The following SMYD3 variants were observed in gnomAD, a reference collection of about 807,000 sequenced individuals.
SMYD3 encodes the protein SET and MYND domain containing 3.
In SMYD3, 36 loss-of-function variants were observed where a neutral mutation model predicts 57.7. That is an observed-to-expected ratio of 0.62 (90% CI 0.48 to 0.82). SMYD3 has a LOEUF of 0.82. SMYD3 is among the 40% of genes least tolerant of loss of function. SMYD3 has a pLI of 0.00. For synonymous variants in SMYD3, 211 were observed against 195.0 expected (o/e 1.08, Z -0.68); for missense variants, 515 against 538.8 (o/e 0.96, Z 0.44).
At position 246,245,998 on chromosome 1, in the gene SMYD3, T is replaced by C. The variant is rs560567604; in HGVS notation, c.531+81203A>G. On this transcript the variant is annotated intron_variant, in intron 5 of 11. Coordinates refer to ENST00000490107, the MANE Select transcript of SMYD3 (RefSeq NM_001167740.2). ...CATTTGTTTTTGGTGACAGTGGTGA[T>C]GAAATCATTTATTTACTTATTTTTC... Among the ~76,000 whole-genome samples the C allele has an allele frequency of 3.9e-5, 6 of 152,364 alleles. No individual in the cohort carries two copies. In the South Asian group the frequency reaches 8.3e-4, roughly 21 times the overall value.
intron 1 of SMYD3, among the ~76,000 whole-genome samples, chr1:246,498,405 A>G (rs909491484): frequency 3.3e-5 from 5 of 152,220 alleles, no homozygotes; most frequent in Admixed American, 1.3e-4. Flanking sequence ...CACAAAGATA[A>G]TGAAGCAAGT....
chr1:246,269,541 T>TC (rs374492847), intron 5 of SMYD3, among the ~76,000 whole-genome samples: 1 of 77,604 alleles, frequency 1.3e-5, no homozygotes, highest in Non-Finnish European at 3.1e-5. Context: ...TTCTTTTTTT[T>TC]TCTTTTTTTT....
At chr1:245,961,617 T>C (rs774198799) in intron 5 of SMYD3, among the ~76,000 whole-genome samples, 2 of 152,098 alleles carry the variant, frequency 1.3e-5, no homozygotes, top group Non-Finnish European at 2.9e-5. Context: ...GTCATATAAT[T>C]CCATTTTTTT....
intron 7 of SMYD3, among the ~76,000 whole-genome samples, chr1:245,925,246 T>C (rs1169489524): frequency 6.6e-6 from 1 of 152,204 alleles, no homozygotes; most frequent in African/African-American, 2.4e-5. Flanking sequence ...ATTTATGGGG[T>C]CCAGGTACTA....
chr1:246,293,450 G>A (rs1341638494), intron 5 of SMYD3, among the ~76,000 whole-genome samples: 3 of 152,138 alleles, frequency 2.0e-5, no homozygotes, highest in Non-Finnish European at 2.9e-5. Flanking sequence ...CAGAAGGCAA[G>A]TTAAAAAATT....
chr1:246,341,243 T>A (rs2065629892), intron 2 of SMYD3, among the ~76,000 whole-genome samples: 1 of 152,176 alleles, frequency 6.6e-6, no homozygotes, highest in Non-Finnish European at 1.5e-5. Context: ...TAGGCACTGG[T>A]GCTTCTTAAC....
intron 5 of SMYD3, among the ~76,000 whole-genome samples, chr1:246,292,188 C>A (rs879925614): frequency 6.8e-6 from 1 of 147,734 alleles, no homozygotes; most frequent in Non-Finnish European, 1.5e-5. Context: ...TACTATCCAA[C>A]ACACCAGCAT....
chr1:246,321,349 G>A (rs2065244586), intron 5 of SMYD3, among the ~76,000 whole-genome samples: 1 of 152,224 alleles, frequency 6.6e-6, no homozygotes, highest in South Asian at 2.1e-4. Flanking sequence ...ACACTACTAA[G>A]TACGTTATAG....
intron 10 of SMYD3, among the ~76,000 whole-genome samples, chr1:245,825,822 A>G (rs1351195081): frequency 6.6e-6 from 1 of 151,022 alleles, no homozygotes. Flanking sequence ...CATCTACAGA[A>G]ATCTAAAGTT....
At chr1:246,361,760 A>T (rs936298630) in intron 1 of SMYD3, among the ~76,000 whole-genome samples, 14 of 152,212 alleles carry the variant, frequency 9.2e-5, no homozygotes, top group African/African-American at 3.4e-4. Flanking sequence ...ATGCAAAGGC[A>T]TAGGAATGAT....
intron 10 of SMYD3, among the ~76,000 whole-genome samples, chr1:245,848,845 T>C (rs2050803470): frequency 6.6e-6 from 1 of 151,920 alleles, no homozygotes; most frequent in Admixed American, 6.6e-5. Flanking sequence ...TTGCTGCAGG[T>C]AGGGAGGAGC....
At chr1:246,224,987 C>A (rs2063307015) in intron 5 of SMYD3, among the ~76,000 whole-genome samples, 1 of 151,866 alleles carries the variant, frequency 6.6e-6, no homozygotes, top group African/African-American at 2.4e-5. Context: ...GAGGATGAAA[C>A]CAGTAGATGG....
intron 10 of SMYD3, among the ~76,000 whole-genome samples, chr1:245,802,409 C>T (rs1256182708): frequency 6.6e-6 from 1 of 152,208 alleles, no homozygotes; most frequent in Non-Finnish European, 1.5e-5. Flanking sequence ...TTTTCCTTTA[C>T]TACAAATTAT....
chr1:246,267,144 C>A (rs1322656335), intron 5 of SMYD3, among the ~76,000 whole-genome samples: 1 of 151,976 alleles, frequency 6.6e-6, no homozygotes, highest in Non-Finnish European at 1.5e-5. Context: ...TGGAATAGAG[C>A]AATATTATAA....
intron 5 of SMYD3, among the ~76,000 whole-genome samples, chr1:246,095,447 G>C (rs1050724053): frequency 1.3e-5 from 2 of 152,206 alleles, no homozygotes; most frequent in Non-Finnish European, 2.9e-5. Flanking sequence ...AATATGCAAC[G>C]ATAAGGTGCA....
intron 2 of SMYD3, among the ~76,000 whole-genome samples, chr1:246,338,731 TAC>T (rs1159242008): frequency 3.9e-5 from 6 of 152,216 alleles, no homozygotes; most frequent in African/African-American, 1.4e-4. Context: ...TCAGAATCTA[TAC>T]AGTTTCATAA....
intron 10 of SMYD3, among the ~76,000 whole-genome samples, chr1:245,831,421 G>A (rs1296138281): frequency 6.6e-6 from 1 of 152,132 alleles, no homozygotes; most frequent in Non-Finnish European, 1.5e-5. Context: ...AATATTTCGG[G>A]GTAAACCAGG....
At chr1:246,143,494 C>G (rs2061794666) in intron 5 of SMYD3, among the ~76,000 whole-genome samples, 2 of 152,004 alleles carry the variant, frequency 1.3e-5, no homozygotes, top group East Asian at 3.9e-4. Flanking sequence ...TGGCAAAATC[C>G]CATCTCCACT....
At chr1:246,130,400 G>A (rs571138214) in intron 5 of SMYD3, among the ~76,000 whole-genome samples, 181 of 152,196 alleles carry the variant, frequency 1.2e-3, no homozygotes, top group Middle Eastern at 6.8e-3. Flanking sequence ...AATACAGGTA[G>A]CTCAGATTGA....
Sources: gnomAD v4.1 joint callset for allele counts (sites outside exome capture counted in the v4.1 genomes callset) on GRCh38, gnomAD v4.1.1 for gene constraint, MANE v1.5 for transcripts, NCBI Gene and HGNC (gene_info 2026-07-23, HGNC 2026-07-21) for gene names.